Variants in STX3 observed in about 807,000 individuals in gnomAD.
The protein encoded by STX3 is syntaxin-3.
STX3 carries 19 observed loss-of-function variants against 40.2 expected under a neutral mutation model. The ratio of observed to expected loss-of-function variants is 0.47; its 90% CI spans 0.33 to 0.69. The LOEUF (loss-of-function observed/expected upper bound fraction) is 0.69, where lower values mean the gene tolerates loss of function less well. Among genes scored for constraint, STX3 ranks in the 30% least tolerant of loss-of-function variants. The pLI is 0.02. For missense variants in STX3, 364 were observed against 366.7 expected (o/e 0.99, Z 0.06); for synonymous variants, 122 against 132.2 (o/e 0.92, Z 0.53).
At chr11:59,756,665 T>C (rs559344436) in intron 1 of STX3, among the ~76,000 whole-genome samples, 1 of 152,220 alleles carries the variant, frequency 6.6e-6, no homozygotes, top group Non-Finnish European at 1.5e-5. Flanking sequence ...TGGGAAGCAC[T>C]GGACTGGATT....
At chr11:59,785,142 A>G (rs1401335721) in intron 2 of STX3, among the ~76,000 whole-genome samples, 1 of 152,142 alleles carries the variant, frequency 6.6e-6, no homozygotes, top group Non-Finnish European at 1.5e-5. Context: ...ATGTATGTTT[A>G]CACTCCCATG....
intron 2 of STX3, among the ~76,000 whole-genome samples, chr11:59,783,730 A>G (rs1157671781): frequency 1.3e-5 from 2 of 152,248 alleles, no homozygotes; most frequent in Non-Finnish European, 2.9e-5. Context: ...TTAAATACTC[A>G]GAAAGTCACC....
intron 1 of STX3, among the ~76,000 whole-genome samples, chr11:59,766,070 T>G (rs2134886307): frequency 6.6e-6 from 1 of 152,298 alleles, no homozygotes; most frequent in South Asian, 2.1e-4. Flanking sequence ...CTGTTATTTC[T>G]TTGACCCAGA....
At chr11:59,770,297 G>A (rs182101144) in intron 1 of STX3, among the ~76,000 whole-genome samples, 1 of 147,470 alleles carries the variant, frequency 6.8e-6, no homozygotes, top group African/African-American at 2.5e-5. Context: ...GTGTATGTGT[G>A]TAGGGTGTGT....
intron 2 of STX3, among the ~76,000 whole-genome samples, chr11:59,774,697 G>C (rs1386213647): frequency 6.6e-6 from 1 of 151,934 alleles, no homozygotes; most frequent in East Asian, 1.9e-4. Flanking sequence ...TGGGTGTGGT[G>C]GTGGGCACCT....
At chr11:59,786,981 G>A (rs532006717) in intron 2 of STX3, 56 bp from the exon 3 acceptor site, 4 of 1,491,202 alleles carry the variant, frequency 2.7e-6, no homozygotes, top group African/African-American at 2.8e-5. Context: ...GTTTATCTCA[G>A]CCATGGACCT....
chr11:59,787,397 C>T (rs928528731), intron 3 of STX3, among the ~76,000 whole-genome samples: 2 of 152,142 alleles, frequency 1.3e-5, no homozygotes, highest in African/African-American at 4.8e-5. Flanking sequence ...TCCTGACTGG[C>T]GACGATTCCC....
chr11:59,761,837 A>G (rs773157011), intron 1 of STX3, among the ~76,000 whole-genome samples: 18 of 151,570 alleles, frequency 1.2e-4, no homozygotes, highest in Non-Finnish European at 2.2e-4. Flanking sequence ...TTTTTAATAA[A>G]TTTTTAAGTT....
chr11:59,788,987 C>T (rs1046441618), intron 4 of STX3, 40 bp downstream of exon 4: 9 of 1,553,464 alleles, frequency 5.8e-6, no homozygotes, highest in Non-Finnish European at 7.9e-6. Context: ...TCCCCACCAC[C>T]ATCTATCTCA....
chr11:59,800,891 G>A lies in STX3; in HGVS notation c.*67G>A. On this transcript the variant is annotated 3_prime_UTR_variant, in exon 11 of 11. Coordinates refer to ENST00000337979, the MANE Select transcript of STX3 (RefSeq NM_004177.5). ...ACTCCAGACTGGTGTGGCCACCCTTGTCTTCAGATGAGAATGGAGTCTGAA... is the reference window on the plus strand; with the variant it reads ...ACTCCAGACTGGTGTGGCCACCCTTATCTTCAGATGAGAATGGAGTCTGAA... The A allele has an allele frequency of 1.3e-6, 2 of 1,536,230 alleles. No homozygotes were observed.
chr11:59,800,444 A>G (rs1251399106), intron 10 of STX3: 7 of 985,186 alleles, frequency 7.1e-6, no homozygotes, highest in Non-Finnish European at 8.4e-6. Flanking sequence ...TAGGCTTTTC[A>G]TTGTGTCCTT....
At chr11:59,783,214 T>C (rs1399530711) in intron 2 of STX3, among the ~76,000 whole-genome samples, 1 of 152,182 alleles carries the variant, frequency 6.6e-6, no homozygotes, top group Non-Finnish European at 1.5e-5. Context: ...AACTGATCCA[T>C]TCTCCCAAAA....
intron 1 of STX3, among the ~76,000 whole-genome samples, chr11:59,759,300 G>A (rs115973265): frequency 0.023 from 3,479 of 152,250 alleles, 133 homozygotes; most frequent in African/African-American, 0.081. Flanking sequence ...TCTCGCATTG[G>A]TGTATAAACC....
At position 59,775,626 on chromosome 11, in the gene STX3, T is replaced by TA. The variant is rs370685296; in HGVS notation, c.114+2333dup. 6.8e-3 allele frequency among the ~76,000 whole-genome samples: 1,037 copies of TA among 152,316 alleles called. 12 individuals carry two copies. Among genetic ancestry groups the TA allele is most frequent in the African/African-American group, 0.024 (989 of 41,568 alleles). ...CTTGGTCAGGTTGCTTAACATCTCT[T>TA]AGTTTTAATGTCCTGCTCTGGAAAT... is the stretch of plus-strand genomic sequence containing the variant. On this transcript the variant is annotated intron_variant, in intron 2 of 10. Coordinates refer to ENST00000337979, the MANE Select transcript of STX3 (RefSeq NM_004177.5).
Position 59,802,697 on chromosome 11 carries a change from G to A in STX3, c.*1873G>A, listed in dbSNP as rs1865937058. 6 of 985,870 alleles carry A rather than the reference G, an allele frequency of 6.1e-6. No homozygotes were observed. Among genetic ancestry groups the A allele is most frequent in the Non-Finnish European group, 7.2e-6 (6 of 829,966 alleles). 61.1% of individuals were successfully genotyped at this position (985,870 alleles called of 1,614,324 possible). A position where few individuals can be genotyped will look rare whatever the true frequency, so the allele number is the denominator to read the frequency against. ...TTAAAAATAAAAATGACTTTGTATT[G>A]ATTGTGAAACGGTTCTGGCTCTGTC... On this transcript the variant is annotated 3_prime_UTR_variant, in exon 11 of 11. Coordinates refer to ENST00000337979, the MANE Select transcript of STX3 (RefSeq NM_004177.5).
At chr11:59,759,369 CTGACCACCA>C (rs1862911428) in intron 1 of STX3, among the ~76,000 whole-genome samples, 1 of 152,226 alleles carries the variant, frequency 6.6e-6, no homozygotes, top group Admixed American at 6.5e-5. Flanking sequence ...ATGGTACCTG[CTGACCACCA>C]TGATCAGAGC....
rs376692241 is a variant in STX3 at position 59,787,022 on chromosome 11, T to C, written c.115-15T>C. 8.5e-4 allele frequency: 1,363 copies of C among 1,609,838 alleles called. No individual in the cohort carries two copies. Among genetic ancestry groups the C allele is most frequent in the Non-Finnish European group, 1.0e-3 (1,197 of 1,176,200 alleles). ...TCCTCTTTGATGATGAAGGTTATTG[T>C]CTTTCTGATTATAGATTGAGGAAAC... On this transcript the variant is annotated splice_polypyrimidine_tract_variant and intron_variant, in intron 2 of 10. Transcript: ENST00000337979.
chr11:59,767,629 T>C (rs1863344745), intron 1 of STX3, among the ~76,000 whole-genome samples: 1 of 152,244 alleles, frequency 6.6e-6, no homozygotes, highest in Non-Finnish European at 1.5e-5. Flanking sequence ...GATGATGGCC[T>C]CTTCCTTGAG....
At position 59,798,677 on chromosome 11, in the gene STX3, G is replaced by A. The variant is rs550292418; in HGVS notation, c.*30+1281G>A. Reference sequence around the variant, plus strand: ...TGGGATTATAGGTGCCTGCCACCACGCCCGGCTAATTTTTGTATTTTTAGT... The same window carrying A: ...TGGGATTATAGGTGCCTGCCACCACACCCGGCTAATTTTTGTATTTTTAGT... On this transcript the variant is annotated intron_variant, in intron 10 of 10. Coordinates refer to ENST00000337979, the MANE Select transcript of STX3 (RefSeq NM_004177.5). 4.0e-5 allele frequency among the ~76,000 whole-genome samples: 6 copies of A among 151,810 alleles called. No individual in the cohort carries two copies. In the East Asian group the frequency reaches 5.8e-4, roughly 15 times the overall value.
Sources: allele counts gnomAD v4.1 joint callset (sites outside exome capture counted in the v4.1 genomes callset), GRCh38; gene constraint gnomAD v4.1.1; transcripts MANE v1.5; gene names NCBI Gene and HGNC (gene_info 2026-07-23, HGNC 2026-07-21).